The following NCOR2 variants were observed in gnomAD, a reference collection of about 807,000 sequenced individuals.
The protein encoded by NCOR2 is CTG repeat protein 26.
In NCOR2, 81 loss-of-function variants were observed where a neutral mutation model predicts 262.9. The ratio of observed to expected loss-of-function variants is 0.31; its 90% CI spans 0.26 to 0.37. NCOR2 has a LOEUF of 0.37. NCOR2 is among the 10% of genes least tolerant of loss of function. The probability of loss-of-function intolerance (pLI) is 1.00; values close to 1 mark genes in which losing one functional copy is unlikely to be tolerated. For synonymous variants in NCOR2, 1,659 were observed against 1,559.3 expected (o/e 1.06, Z -1.51); for missense variants, 3,385 against 3,621.4 (o/e 0.93, Z 1.68).
chr12:124,377,417 T>C (rs1461475330), intron 18 of NCOR2, among the ~76,000 whole-genome samples: 1 of 152,210 alleles, frequency 6.6e-6, no homozygotes, highest in Admixed American at 6.5e-5. Flanking sequence ...GAATTATTTA[T>C]CACTCAAATA....
chr12:124,353,084 T>G (rs1052487533), intron 27 of NCOR2, among the ~76,000 whole-genome samples: 1 of 152,214 alleles, frequency 6.6e-6, no homozygotes, highest in Non-Finnish European at 1.5e-5. Flanking sequence ...CAGCTGGCTG[T>G]CTGCCAAAAG....
chr12:124,331,016 C>T, intron 43 of NCOR2, 118 bp from the exon 46 acceptor site: 1 of 1,016,088 alleles, frequency 9.8e-7, no homozygotes, highest in East Asian at 2.7e-5. Flanking sequence ...TTGTGCATTG[C>T]AGGTTCTCAT....
chr12:124,460,940 G>C (rs1453261332), intron 5 of NCOR2, among the ~76,000 whole-genome samples: 1 of 152,228 alleles, frequency 6.6e-6, no homozygotes, highest in African/African-American at 2.4e-5. Flanking sequence ...GCTCCTGTCT[G>C]CATCTTCCCC....
Position 124,549,540 on chromosome 12 carries a change from G to A in NCOR2, c.-164-13929C>T, listed in dbSNP as rs1361930514. ...GAAGGTACCAAGGGCTTCTGCCCCA[G>A]CGCCGGGGCACAGCGGGCTGAGGGA... is the stretch of plus-strand genomic sequence containing the variant. On this transcript the variant is annotated intron_variant, in intron 1 of 32. Coordinates refer to the NCOR2 transcript ENST00000458234. This position sits in a 1 kb window ranked among gnomAD's most constrained non-coding sequence, Gnocchi z 4.4. Among the ~76,000 whole-genome samples the A allele has an allele frequency of 6.6e-6, 1 of 152,102 alleles. No individual in the cohort carries two copies. The highest frequency in any genetic ancestry group is 1.5e-5 in the Non-Finnish European group (1 of 67,996).
intron 1 of NCOR2, among the ~76,000 whole-genome samples, chr12:124,561,622 C>G (rs1449587969): frequency 6.6e-6 from 1 of 152,046 alleles, no homozygotes; most frequent in African/African-American, 2.4e-5. Flanking sequence ...GGAGAACGGA[C>G]CAGCCCAGAG....
intron 20 of NCOR2, among the ~76,000 whole-genome samples, chr12:124,371,150 A>G (rs2136019973): frequency 6.6e-6 from 1 of 152,176 alleles, no homozygotes; most frequent in South Asian, 2.1e-4. Context: ...CACTGCCCTG[A>G]GAACAAAATG....
intron 37 of NCOR2, among the ~76,000 whole-genome samples, 193 bp downstream of exon 39, chr12:124,339,813 C>G (rs761344620): frequency 3.3e-5 from 5 of 149,400 alleles, no homozygotes; most frequent in Non-Finnish European, 7.4e-5. Flanking sequence ...TAACTTCCCA[C>G]TGACCCACAC....
chr12:124,441,202 C>T (rs2044782519), intron 7 of NCOR2, among the ~76,000 whole-genome samples: 1 of 152,158 alleles, frequency 6.6e-6, no homozygotes, highest in African/African-American at 2.4e-5. Context: ...CTGATTCCAG[C>T]GCTCGGCCAG....
exon 38 of NCOR2, chr12:124,336,784 A>G (rs754609910): frequency 6.2e-7 from 1 of 1,613,314 alleles, no homozygotes; most frequent in Non-Finnish European, 8.5e-7. Flanking sequence ...CCTGGATGGA[A>G]AAGGGTTTAC....
chr12:124,335,699 T>G, intron 38 of NCOR2, 67 bp from the exon 41 acceptor site: 1 of 1,520,938 alleles, frequency 6.6e-7, no homozygotes, highest in African/African-American at 1.4e-5. Flanking sequence ...GGGGCAGGGC[T>G]GCCCTCCCAG....
chr12:124,546,718 C>G (rs375982377), intron 1 of NCOR2, among the ~76,000 whole-genome samples: 2 of 151,878 alleles, frequency 1.3e-5, no homozygotes, highest in South Asian at 4.2e-4. Flanking sequence ...CAGCCAATTC[C>G]TAAGTTTTAA....
At chr12:124,410,719 A>G (rs1280694272) in intron 13 of NCOR2, among the ~76,000 whole-genome samples, 1 of 152,164 alleles carries the variant, frequency 6.6e-6, no homozygotes, top group Non-Finnish European at 1.5e-5. Flanking sequence ...TTCAGCACCT[A>G]GGGCAGGCAG....
chr12:124,392,922 G>A (rs1395047281), intron 16 of NCOR2, among the ~76,000 whole-genome samples: 12 of 152,228 alleles, frequency 7.9e-5, no homozygotes, highest in African/African-American at 2.9e-4. Context: ...GGGCTTACTG[G>A]GAGCCACCAG....
rs560450789 is a variant in NCOR2 at position 124,388,289 on chromosome 12, C to G, written c.1877-2402G>C. On this transcript the variant is annotated intron_variant, in intron 16 of 46. Transcript: ENST00000405201. ...GCCAGGGCTGCGGGGTAGGGGCAGG[C>G]TGGCACTGGCTTCCTCTGGTTCCTG... 5.9e-5 allele frequency among the ~76,000 whole-genome samples: 9 copies of G among 152,288 alleles called. No homozygotes were observed. In the East Asian group the frequency reaches 1.7e-3, roughly 29 times the overall value.
chr12:124,544,416 C>G (rs2051478616), intron 1 of NCOR2, among the ~76,000 whole-genome samples: 1 of 152,246 alleles, frequency 6.6e-6, no homozygotes, highest in South Asian at 2.1e-4. Context: ...CGCCCAGGAG[C>G]AGGGTCTGGC....
intron 16 of NCOR2, among the ~76,000 whole-genome samples, chr12:124,393,755 G>A (rs1044756283): frequency 3.3e-5 from 5 of 152,324 alleles, no homozygotes; most frequent in Non-Finnish European, 4.4e-5. Context: ...TCTAGGCCTC[G>A]GTTTCCTCAT....
intron 13 of NCOR2, among the ~76,000 whole-genome samples, chr12:124,416,226 TA>T (rs139443720): frequency 2.0e-5 from 3 of 149,070 alleles, no homozygotes; most frequent in Non-Finnish European, 4.5e-5. Flanking sequence ...TTTCACAGGG[TA>T]AAAAAAAACA....
chr12:124,405,218 G>A (rs1047442671), intron 13 of NCOR2, among the ~76,000 whole-genome samples: 2 of 152,164 alleles, frequency 1.3e-5, no homozygotes, highest in Admixed American at 6.5e-5. Flanking sequence ...ATGGCACCAC[G>A]TGCCTGGCTC....
chr12:124,332,336 C>A (rs945847037), exon 43 of NCOR2: 6 of 1,614,182 alleles, frequency 3.7e-6, no homozygotes. Context: ...AGGCTCATTC[C>A]GGTTGTGGGT....
Sources: gnomAD v4.1 joint callset for allele counts (sites outside exome capture counted in the v4.1 genomes callset) on GRCh38, gnomAD v4.1.1 for gene constraint, Gnocchi (gnomAD v3.1) non-coding constraint, MANE v1.5 for transcripts, NCBI Gene and HGNC (gene_info 2026-07-23, HGNC 2026-07-21) for gene names.